Variants in RAB3GAP2 observed in about 807,000 individuals in gnomAD.
The protein encoded by RAB3GAP2 is RAB3 GTPase activating non-catalytic protein subunit 2.
Under a neutral mutation model 185.3 loss-of-function variants are expected in RAB3GAP2, and 87 were observed. That is an observed-to-expected ratio of 0.47 (90% confidence interval 0.39 to 0.56). The LOEUF (loss-of-function observed/expected upper bound fraction) is 0.56, where lower values mean the gene tolerates loss of function less well. RAB3GAP2 is among the 20% of genes least tolerant of loss of function. The pLI is 0.00. For missense variants in RAB3GAP2, 1,492 were observed against 1,638.2 expected, an observed-to-expected ratio of 0.91 and a Z score of 1.54; for synonymous variants, 554 against 576.1, an observed-to-expected ratio of 0.96 and a Z score of 0.55.
chr1:220,194,853 C>T (rs1658693361), intron 12 of RAB3GAP2, among the ~76,000 whole-genome samples: 1 of 152,166 alleles, frequency 6.6e-6, no homozygotes, highest in South Asian at 2.1e-4. Context: ...TCAAGAAATA[C>T]ATCTTGAATA....
At chr1:220,211,912 G>C (rs1304829539) in intron 4 of RAB3GAP2, among the ~76,000 whole-genome samples, 2 of 152,172 alleles carry the variant, frequency 1.3e-5, no homozygotes, top group Non-Finnish European at 2.9e-5. Context: ...TGATGATAGA[G>C]AATATTTCAA....
At chr1:220,241,613 A>G (rs1659699470) in intron 1 of RAB3GAP2, among the ~76,000 whole-genome samples, 1 of 152,088 alleles carries the variant, frequency 6.6e-6, no homozygotes, top group Non-Finnish European at 1.5e-5. Flanking sequence ...AGAAAAGTCT[A>G]AAGAATAGAG....
chr1:220,184,817 T>C (rs1658479792), intron 18 of RAB3GAP2, among the ~76,000 whole-genome samples: 1 of 152,086 alleles, frequency 6.6e-6, no homozygotes, highest in Non-Finnish European at 1.5e-5. Flanking sequence ...ATACCACGCT[T>C]TTTAAAAGAG....
intron 1 of RAB3GAP2, chr1:220,253,924 G>A (rs1659985555): frequency 6.2e-6 from 10 of 1,613,684 alleles, no homozygotes; most frequent in Non-Finnish European, 6.8e-6. Context: ...GAAAACACCT[G>A]GAAATGGAGA....
Position 220,154,061 on chromosome 1 carries a change from AAAAG to A in RAB3GAP2, c.3556-8_3556-5del, listed in dbSNP as rs1289721687. ...CTTTGAAAAATGCATTTTTTCCCTA[AAAAG>A]AAAGAGAGCAAGAAAACTGATGAGT... On this transcript the variant is annotated splice_region_variant and splice_polypyrimidine_tract_variant and intron_variant, in intron 31 of 34. Coordinates refer to ENST00000358951, the MANE Select transcript of RAB3GAP2 (RefSeq NM_012414.4). 5.0e-6 allele frequency: 8 copies of A among 1,613,166 alleles called. No individual in the cohort carries two copies. Among genetic ancestry groups the A allele is most frequent in the Non-Finnish European group, 6.8e-6 (8 of 1,179,578 alleles).
chr1:220,252,972 C>T (rs1659966034), intron 1 of RAB3GAP2, among the ~76,000 whole-genome samples: 2 of 152,184 alleles, frequency 1.3e-5, no homozygotes, highest in Admixed American at 1.3e-4. Context: ...GGAATCCCAG[C>T]CAGCCAATGG....
chr1:220,237,390 C>T (rs181240581), intron 1 of RAB3GAP2, among the ~76,000 whole-genome samples: 47 of 152,336 alleles, frequency 3.1e-4, no homozygotes, highest in African/African-American at 8.4e-4. Flanking sequence ...CTATGTCTTT[C>T]GTTTTACTGT....
At chr1:220,210,563 A>T in intron 6 of RAB3GAP2, 74 bp from the exon 7 acceptor site, 1 of 1,199,516 alleles carries the variant, frequency 8.3e-7, no homozygotes, top group Non-Finnish European at 1.2e-6. Context: ...CCAGGCAAAG[A>T]GTACCATTTC....
chr1:220,206,230 T>A (rs1348669766), intron 7 of RAB3GAP2, among the ~76,000 whole-genome samples: 1 of 152,134 alleles, frequency 6.6e-6, no homozygotes, highest in Non-Finnish European at 1.5e-5. Context: ...TGAATAATTA[T>A]CTCAAAGATG....
intron 1 of RAB3GAP2, among the ~76,000 whole-genome samples, chr1:220,257,426 C>A (rs1660052641): frequency 6.6e-6 from 1 of 151,796 alleles, no homozygotes; most frequent in Admixed American, 6.6e-5. Flanking sequence ...GAAATTCACT[C>A]AAAACCACAC....
In RAB3GAP2 at chr1:220,272,394, C is replaced by T; in HGVS notation, c.-57G>A. 7.8e-7 allele frequency: 1 copy of T among 1,281,626 alleles called. No individual in the cohort carries two copies. The highest frequency in any genetic ancestry group is 1.1e-6 in the Non-Finnish European group (1 of 897,542). The allele number at this position is 1,281,626 out of a possible 1,614,324, so 79.4% of individuals were successfully genotyped here. Reference sequence around the variant, plus strand: ...TTACCTCACCACGCCCTGCCCCCTCCACCCCACTGCGGCCGCCACCGAGCC... The same window carrying T: ...TTACCTCACCACGCCCTGCCCCCTCTACCCCACTGCGGCCGCCACCGAGCC... On this transcript the variant is annotated 5_prime_UTR_variant, in exon 1 of 35. Coordinates refer to ENST00000358951, the MANE Select transcript of RAB3GAP2 (RefSeq NM_012414.4).
At chr1:220,249,015 G>A (rs1157524290) in intron 1 of RAB3GAP2, among the ~76,000 whole-genome samples, 1 of 152,160 alleles carries the variant, frequency 6.6e-6, no homozygotes, top group African/African-American at 2.4e-5. Context: ...CCAGTCTCAG[G>A]TATGTCCTGA....
chr1:220,209,761 A>G (rs1230581428), intron 7 of RAB3GAP2, among the ~76,000 whole-genome samples: 1 of 152,204 alleles, frequency 6.6e-6, no homozygotes, highest in Non-Finnish European at 1.5e-5. Flanking sequence ...GGGAAGGCAT[A>G]TTACATAGTT....
intron 3 of RAB3GAP2, 139 bp downstream of exon 3, chr1:220,213,717 G>C: frequency 3.9e-6 from 3 of 766,388 alleles, no homozygotes; most frequent in Non-Finnish European, 5.9e-6. Flanking sequence ...GGGAGGGAGG[G>C]GGCGGAGGAG....
At chr1:220,198,075 T>G (rs1375110502) in intron 9 of RAB3GAP2, among the ~76,000 whole-genome samples, 1 of 152,190 alleles carries the variant, frequency 6.6e-6, no homozygotes, top group Non-Finnish European at 1.5e-5. Context: ...AAGTACCTCT[T>G]GGGATCACTT....
At chr1:220,220,198 A>ATT (rs764890580) in intron 2 of RAB3GAP2, 1 of 152,200 alleles carries the variant, frequency 6.6e-6, no homozygotes, top group Non-Finnish European at 1.5e-5. Context: ...TTGACACTGA[A>ATT]TTTGCCTGCA....
chr1:220,170,728 T>C (rs1658158048), intron 24 of RAB3GAP2, among the ~76,000 whole-genome samples, 164 bp downstream of exon 24: 2 of 152,330 alleles, frequency 1.3e-5, no homozygotes, highest in Non-Finnish European at 2.9e-5. Context: ...ACTGACCAAA[T>C]GAGACTTTAG....
At chr1:220,272,200 G>C in intron 1 of RAB3GAP2, 23 bp downstream of exon 1, 1 of 1,570,022 alleles carries the variant, frequency 6.4e-7, no homozygotes, top group African/African-American at 1.3e-5. Flanking sequence ...GGGAAGGAAG[G>C]GCGAGGCCAG....
chr1:220,224,676 CA>C (rs1659371457), intron 2 of RAB3GAP2, among the ~76,000 whole-genome samples: 1 of 151,778 alleles, frequency 6.6e-6, no homozygotes, highest in Admixed American at 6.6e-5. Context: ...CCAGTAAGGA[CA>C]AAAAAACTTT....
Sources: gnomAD v4.1 joint callset for allele counts (sites outside exome capture counted in the v4.1 genomes callset) on GRCh38, gnomAD v4.1.1 for gene constraint, MANE v1.5 for transcripts, NCBI Gene and HGNC (gene_info 2026-07-23, HGNC 2026-07-21) for gene names.